The following GPC5 variants were observed in gnomAD, a reference collection of about 807,000 sequenced individuals.
The protein encoded by GPC5 is glypican-5.
Under a neutral mutation model 53.9 loss-of-function variants are expected in GPC5, and 47 were observed. That is an observed-to-expected ratio of 0.87 (90% CI 0.69 to 1.11). The LOEUF (loss-of-function observed/expected upper bound fraction) is 1.11. Ranked by LOEUF, GPC5 falls within the 50% of genes most tolerant of loss-of-function variation. GPC5 has a pLI of 0.00. For missense variants in GPC5, 748 were observed against 713.1 expected, an observed-to-expected ratio of 1.05 and a Z score of -0.56; for synonymous variants, 286 against 263.3, an observed-to-expected ratio of 1.09 and a Z score of -0.84.
intron 7 of GPC5, among the ~76,000 whole-genome samples, chr13:92,784,283 T>A (rs1270873405): frequency 6.6e-6 from 1 of 152,160 alleles, no homozygotes; most frequent in Non-Finnish European, 1.5e-5. Flanking sequence ...CTATGATAAT[T>A]ATAATTAGTG....
At chr13:91,521,352 G>A (rs1043729593) in intron 2 of GPC5, among the ~76,000 whole-genome samples, 4 of 152,186 alleles carry the variant, frequency 2.6e-5, no homozygotes, top group Non-Finnish European at 5.9e-5. Flanking sequence ...TGAAGCTGAA[G>A]CATCTTCTGG....
At chr13:91,667,365 A>G (rs2035140321) in intron 2 of GPC5, among the ~76,000 whole-genome samples, 1 of 152,114 alleles carries the variant, frequency 6.6e-6, no homozygotes, top group Non-Finnish European at 1.5e-5. Context: ...ATTTAATTAC[A>G]TATTACCCCC....
rs1393013627 is a variant in GPC5 at position 92,203,561 on chromosome 13, G to A, written c.1561+58572G>A. ...TAGATGACACATTAGTGGGTGCAGC[G>A]CACCAGCATGGCACATGTATACATA... On this transcript the variant is annotated intron_variant, in intron 7 of 7. Coordinates refer to ENST00000377067, the MANE Select transcript of GPC5 (RefSeq NM_004466.6). 4.8e-3 allele frequency among the ~76,000 whole-genome samples: 674 copies of A among 139,520 alleles called. 8 individuals carry two copies. The highest frequency in any genetic ancestry group is 0.017 in the African/African-American group (634 of 37,410). 91.5% of individuals were successfully genotyped at this position (139,520 alleles called of 152,430 possible). A position where few individuals can be genotyped will look rare whatever the true frequency, so the allele number is the denominator to read the frequency against.
chr13:91,592,838 T>G (rs2032852303), intron 2 of GPC5, among the ~76,000 whole-genome samples: 1 of 152,096 alleles, frequency 6.6e-6, no homozygotes, highest in South Asian at 2.1e-4. Context: ...GCAGGTGCCG[T>G]GGGAGGGGCT....
chr13:91,679,918 T>A (rs1472401699), intron 2 of GPC5, among the ~76,000 whole-genome samples: 1 of 152,214 alleles, frequency 6.6e-6, no homozygotes, highest in African/African-American at 2.4e-5. Context: ...AGCCACATTT[T>A]TTTTTTTCTG....
chr13:92,820,246 A>G (rs762435104), intron 7 of GPC5, among the ~76,000 whole-genome samples: 2 of 152,178 alleles, frequency 1.3e-5, no homozygotes, highest in Non-Finnish European at 2.9e-5. Context: ...TAATTTTGCC[A>G]TCAACCTTTT....
At chr13:91,930,988 A>T (rs1394262778) in intron 6 of GPC5, among the ~76,000 whole-genome samples, 21 of 152,088 alleles carry the variant, frequency 1.4e-4, no homozygotes, top group Non-Finnish European at 2.9e-4. Context: ...TCTAAACATT[A>T]TGTCTGCTAG....
chr13:92,395,821 T>C (rs1345718570), intron 7 of GPC5, among the ~76,000 whole-genome samples: 4 of 152,094 alleles, frequency 2.6e-5, no homozygotes, highest in African/African-American at 9.7e-5. Flanking sequence ...CAGTAAGGTG[T>C]TCCCTCCACA....
intron 7 of GPC5, among the ~76,000 whole-genome samples, chr13:92,836,976 A>C (rs1415976188): frequency 1.3e-5 from 2 of 152,116 alleles, no homozygotes; most frequent in African/African-American, 4.8e-5. Flanking sequence ...TTTTTTCTAA[A>C]AATATTAAAA....
At chr13:91,840,761 A>G (rs1187082183) in intron 5 of GPC5, among the ~76,000 whole-genome samples, 1 of 151,240 alleles carries the variant, frequency 6.6e-6, no homozygotes, top group Non-Finnish European at 1.5e-5. Context: ...TTTTTTTTTA[A>G]AAAACATGTT....
At chr13:91,743,993 T>C (rs2036993556) in intron 4 of GPC5, among the ~76,000 whole-genome samples, 1 of 151,652 alleles carries the variant, frequency 6.6e-6, no homozygotes, top group South Asian at 2.1e-4. Context: ...CTCTTTTTGA[T>C]CTACTGGTTT....
chr13:92,307,923 C>G (rs1366605422), intron 7 of GPC5, among the ~76,000 whole-genome samples: 1 of 152,150 alleles, frequency 6.6e-6, no homozygotes, highest in Non-Finnish European at 1.5e-5. Context: ...GTTTAATACA[C>G]CTAAGTGTAT....
At chr13:92,139,126 A>C (rs2041808670) in intron 6 of GPC5, among the ~76,000 whole-genome samples, 2 of 152,192 alleles carry the variant, frequency 1.3e-5, no homozygotes, top group African/African-American at 4.8e-5. Flanking sequence ...AAAACTTAGA[A>C]GTCTCCAGGT....
chr13:91,808,924 A>G (rs1360185555), intron 5 of GPC5, among the ~76,000 whole-genome samples: 1 of 152,182 alleles, frequency 6.6e-6, no homozygotes, highest in East Asian at 1.9e-4. Context: ...CTTGCCTAAC[A>G]CAGAGAAAGC....
At chr13:91,689,184 AAT>A (rs1169911890) in intron 2 of GPC5, among the ~76,000 whole-genome samples, 7,013 of 49,402 alleles carry the variant, frequency 0.14, 455 homozygotes, top group Non-Finnish European at 0.18. Context: ...ATCATATATA[AAT>A]ATATATATAT....
chr13:91,458,749 C>T (rs1221690367), intron 2 of GPC5, among the ~76,000 whole-genome samples: 2 of 152,080 alleles, frequency 1.3e-5, no homozygotes, highest in African/African-American at 4.8e-5. Flanking sequence ...GACACTTGCA[C>T]ACATGTGTTT....
At chr13:91,792,686 G>A (rs562420687) in intron 5 of GPC5, among the ~76,000 whole-genome samples, 1 of 152,276 alleles carries the variant, frequency 6.6e-6, no homozygotes, top group African/African-American at 2.4e-5. Context: ...TGTTAGGTTA[G>A]GTCAGCTGTT....
intron 7 of GPC5, among the ~76,000 whole-genome samples, chr13:92,660,990 TAAAAG>T (rs1420630864): frequency 1.1e-4 from 17 of 152,130 alleles, no homozygotes; most frequent in Admixed American, 5.9e-4. Flanking sequence ...ACCATCCACT[TAAAAG>T]AAACAAAAAA....
chr13:92,812,757 AG>A (rs1198541689), intron 7 of GPC5, among the ~76,000 whole-genome samples: 3 of 151,940 alleles, frequency 2.0e-5, no homozygotes, highest in Non-Finnish European at 4.4e-5. Flanking sequence ...TGAATTCAGC[AG>A]TGTTAGGGTA....
Sources: allele counts gnomAD v4.1 joint callset (sites outside exome capture counted in the v4.1 genomes callset), GRCh38; gene constraint gnomAD v4.1.1; transcripts MANE v1.5; gene names NCBI Gene and HGNC (gene_info 2026-07-23, HGNC 2026-07-21).